MEI4: variants seen among roughly 807,000 people sequenced by gnomAD.
MEI4 encodes meiosis-specific protein MEI4.
Under a neutral mutation model 31.4 loss-of-function variants are expected in MEI4, and 27 were observed. The ratio of observed to expected loss-of-function variants is 0.86; its 90% CI spans 0.63 to 1.19. The LOEUF (loss-of-function observed/expected upper bound fraction) is 1.19. MEI4 is among the 50% of genes most tolerant of loss of function. The pLI is 0.00. For missense variants in MEI4, 329 were observed against 398.9 expected (o/e 0.82, Z 1.49); for synonymous variants, 122 against 145.4 (o/e 0.84, Z 1.16).
chr6:77,813,339 A>G (rs1359437332), intron 3 of MEI4, among the ~76,000 whole-genome samples: 1 of 152,092 alleles, frequency 6.6e-6, no homozygotes, highest in East Asian at 1.9e-4. Flanking sequence ...GCTCTACAGT[A>G]CCTCAGAAGT....
chr6:77,792,868 A>T (rs1034686112), intron 3 of MEI4, among the ~76,000 whole-genome samples: 4 of 152,034 alleles, frequency 2.6e-5, no homozygotes, highest in African/African-American at 9.7e-5. Flanking sequence ...GCACGCCACC[A>T]TGGCCGGCTA....
intron 3 of MEI4, among the ~76,000 whole-genome samples, chr6:77,786,962 G>A (rs1241527277): frequency 2.0e-5 from 3 of 152,154 alleles, no homozygotes; most frequent in African/African-American, 7.2e-5. Context: ...TGCACAGCTG[G>A]GAGACATGCC....
chr6:77,851,829 T>A (rs1285032290), intron 4 of MEI4, among the ~76,000 whole-genome samples: 1 of 152,056 alleles, frequency 6.6e-6, no homozygotes, highest in Non-Finnish European at 1.5e-5. Context: ...TCGTGATAGC[T>A]TCTAAAAGAG....
chr6:77,662,195 G>T (rs1768525598), intron 1 of MEI4, among the ~76,000 whole-genome samples: 1 of 152,224 alleles, frequency 6.6e-6, no homozygotes, highest in Admixed American at 6.5e-5. Flanking sequence ...TTGCTGAGAG[G>T]TAGTGGAGAG....
At chr6:77,797,303 C>A (rs939448446) in intron 3 of MEI4, among the ~76,000 whole-genome samples, 2 of 152,026 alleles carry the variant, frequency 1.3e-5, no homozygotes, top group Non-Finnish European at 2.9e-5. Context: ...GGATATGACA[C>A]CAAAGCACAG....
At chr6:77,918,815 AGT>A (rs1766629914) in intron 4 of MEI4, among the ~76,000 whole-genome samples, 1 of 151,952 alleles carries the variant, frequency 6.6e-6, no homozygotes, top group Non-Finnish European at 1.5e-5. Context: ...GTTGAATAGG[AGT>A]GGTGAGAGAG....
chr6:77,886,794 T>C (rs143680609), intron 4 of MEI4, among the ~76,000 whole-genome samples: 41 of 152,308 alleles, frequency 2.7e-4, no homozygotes, highest in African/African-American at 9.4e-4. Context: ...GTGATACTGG[T>C]TTTAATGTCT....
chr6:77,694,222 G>A (rs905118982), intron 2 of MEI4, among the ~76,000 whole-genome samples: 2 of 151,334 alleles, frequency 1.3e-5, no homozygotes, highest in Middle Eastern at 3.4e-3. Context: ...TGGGTGCCTG[G>A]GCAGCCGCGT....
At chr6:77,877,046 A>G (rs980853276) in intron 4 of MEI4, among the ~76,000 whole-genome samples, 3 of 152,188 alleles carry the variant, frequency 2.0e-5, no homozygotes, top group Non-Finnish European at 4.4e-5. Context: ...CTACCAATTT[A>G]AGGCTAGAAG....
At chr6:77,887,012 GTTCT>G (rs1771635452) in intron 4 of MEI4, among the ~76,000 whole-genome samples, 1 of 36,462 alleles carries the variant, frequency 2.7e-5, no homozygotes, top group South Asian at 1.6e-3. Flanking sequence ...GATTTGGTTT[GTTCT>G]TTCTTTTTTA....
chr6:77,807,235 T>G (rs1414028728), intron 3 of MEI4, among the ~76,000 whole-genome samples: 1 of 152,038 alleles, frequency 6.6e-6, no homozygotes, highest in Non-Finnish European at 1.5e-5. Context: ...AGAAGTAATT[T>G]TAGATTTCAG....
chr6:77,789,958 A>G (rs1348956048), intron 3 of MEI4, among the ~76,000 whole-genome samples: 1 of 152,156 alleles, frequency 6.6e-6, no homozygotes, highest in African/African-American at 2.4e-5. Context: ...ATGCACACGT[A>G]TGTTTATTGC....
chr6:77,894,114 G>A (rs962695858), intron 4 of MEI4, among the ~76,000 whole-genome samples: 3 of 152,138 alleles, frequency 2.0e-5, no homozygotes, highest in African/African-American at 7.2e-5. Context: ...ATTGTAGTTA[G>A]AAGCAGACTT....
chr6:77,925,734 CTT>C lies in MEI4; in HGVS notation c.*2389_*2390del, dbSNP rs970763876. ...AAAAGTGATGATAATTGCTATAACT[CTT>C]ATACTATTTAATATAAGCTATAATA... On this transcript the variant is annotated 3_prime_UTR_variant, in exon 5 of 5. Transcript: ENST00000684080. The C allele has an allele frequency of 2.1e-4, 31 of 149,050 alleles. 1 individual carries two copies. In the South Asian group the frequency reaches 2.3e-3, roughly 11 times the overall value. 9.2% of individuals were successfully genotyped at this position (149,050 alleles called of 1,614,324 possible). A position where few individuals can be genotyped will look rare whatever the true frequency, so the allele number is the denominator to read the frequency against.
At chr6:77,668,402 A>G (rs796516109) in intron 1 of MEI4, among the ~76,000 whole-genome samples, 9 of 152,312 alleles carry the variant, frequency 5.9e-5, no homozygotes, top group African/African-American at 1.9e-4. Flanking sequence ...GTTCATGTCC[A>G]TGGAGGCTGG....
chr6:77,869,863 C>G (rs561692254), intron 4 of MEI4, among the ~76,000 whole-genome samples: 26 of 152,174 alleles, frequency 1.7e-4, no homozygotes, highest in African/African-American at 4.8e-4. Flanking sequence ...TTGGTGAATA[C>G]GAGAGTGGCT....
intron 3 of MEI4, among the ~76,000 whole-genome samples, chr6:77,801,770 T>C (rs569021581): frequency 3.5e-4 from 53 of 152,330 alleles, no homozygotes; most frequent in Non-Finnish European, 6.2e-4. Context: ...TCAGTTTCCA[T>C]GTAGTTGAGC....
At chr6:77,854,635 T>C (rs9341701) in intron 4 of MEI4, among the ~76,000 whole-genome samples, 21,292 of 152,096 alleles carry the variant, frequency 0.14, 1,774 homozygotes, top group East Asian at 0.39. Context: ...TACAGAGCTA[T>C]ATGTAGACAC....
chr6:77,777,107 C>T (rs1768468145), intron 3 of MEI4, among the ~76,000 whole-genome samples: 1 of 152,030 alleles, frequency 6.6e-6, no homozygotes, highest in Non-Finnish European at 1.5e-5. Context: ...TCTAAACTGG[C>T]CCCTATCCTG....
Sources: gnomAD v4.1 joint callset for allele counts (sites outside exome capture counted in the v4.1 genomes callset) on GRCh38, gnomAD v4.1.1 for gene constraint, MANE v1.5 for transcripts, NCBI Gene and HGNC (gene_info 2026-07-23, HGNC 2026-07-21) for gene names.